PCDH19: variants seen among roughly 807,000 people sequenced by gnomAD.
The protein encoded by PCDH19 is protocadherin-19.
A neutral mutation model predicts 46.2 loss-of-function variants in PCDH19; 6 were observed. The ratio of observed to expected loss-of-function variants is 0.13; its 90% CI spans 0.07 to 0.26. The LOEUF is 0.26. PCDH19 is among the 10% of genes least tolerant of loss of function. PCDH19 has a pLI of 1.00. For synonymous variants in PCDH19, 481 were observed against 415.7 expected (o/e 1.16, Z -1.91); for missense variants, 740 against 972.3 (o/e 0.76, Z 3.18).
chrX:100,397,055 A>G (rs1374437867), intron 3 of PCDH19, among the ~76,000 whole-genome samples: 2 of 111,889 alleles, frequency 1.8e-5, no homozygotes, highest in Non-Finnish European at 3.8e-5. Context: ...TGTCATTTCC[A>G]TGCTATCCAA....
chrX:100,387,630 T>C (rs775711764), intron 3 of PCDH19, among the ~76,000 whole-genome samples: 56 of 112,074 alleles, frequency 5.0e-4, no homozygotes, highest in African/African-American at 1.7e-3. Context: ...AGTTAAATTT[T>C]ACTATTTTAA....
At chrX:100,324,617 C>T (rs1925621269) in intron 5 of PCDH19, among the ~76,000 whole-genome samples, 1 of 112,132 alleles carries the variant, frequency 8.9e-6, no homozygotes, top group Non-Finnish European at 1.9e-5. Flanking sequence ...GATATAAACT[C>T]TGTACATGGA....
intron 5 of PCDH19, among the ~76,000 whole-genome samples, chrX:100,331,277 T>A (rs1925862303): frequency 8.9e-6 from 1 of 112,075 alleles, no homozygotes; most frequent in South Asian, 3.8e-4. Context: ...AATCTCTTCA[T>A]CGCAAACTAT....
At chrX:100,372,220 A>G (rs1351932677) in intron 3 of PCDH19, among the ~76,000 whole-genome samples, 2 of 111,712 alleles carry the variant, frequency 1.8e-5, no homozygotes, top group Non-Finnish European at 3.8e-5. Flanking sequence ...TGGGTGACAG[A>G]GCAAGACTCC....
chrX:100,337,819 A>G (rs1926130823), intron 5 of PCDH19, among the ~76,000 whole-genome samples: 1 of 111,981 alleles, frequency 8.9e-6, no homozygotes, highest in Admixed American at 9.4e-5. Context: ...ACTGCAAAGA[A>G]ATGATAAATG....
chrX:100,293,858 A>G lies in PCDH19; in HGVS notation c.*2419T>C, dbSNP rs1217111997. On this transcript the variant is annotated 3_prime_UTR_variant, in exon 6 of 6. Transcript: ENST00000373034. ...AATCAATGCCAATGCCACTCTAACC[A>G]TTTAAAACTTGGCTGGTAAGAGGCA... 8.9e-6 allele frequency: 1 copy of G among 111,770 alleles called. No individual in the cohort carries two copies. Among genetic ancestry groups the G allele is most frequent in the African/African-American group, 3.3e-5 (1 of 30,737 alleles). 9.2% of individuals were successfully genotyped at this position (111,770 alleles called of 1,213,427 possible).
chrX:100,346,088 T>C (rs1926389325), intron 4 of PCDH19, among the ~76,000 whole-genome samples: 1 of 112,118 alleles, frequency 8.9e-6, no homozygotes, highest in African/African-American at 3.2e-5. Flanking sequence ...AATGGTATTG[T>C]AAATGCCCAT....
At chrX:100,345,006 T>C (rs1219301583) in intron 4 of PCDH19, among the ~76,000 whole-genome samples, 2 of 109,998 alleles carry the variant, frequency 1.8e-5, no homozygotes, top group Non-Finnish European at 3.8e-5. Flanking sequence ...TTAGGACAAG[T>C]AATAATCTAT....
At chrX:100,315,873 C>T (rs1383770239) in intron 5 of PCDH19, among the ~76,000 whole-genome samples, 1 of 111,719 alleles carries the variant, frequency 9.0e-6, no homozygotes, top group Non-Finnish European at 1.9e-5. Flanking sequence ...AATAGGCATC[C>T]CAGTCCCAAG....
chrX:100,387,207 T>C (rs1430810336), intron 3 of PCDH19, among the ~76,000 whole-genome samples: 1 of 112,080 alleles, frequency 8.9e-6, no homozygotes, highest in African/African-American at 3.2e-5. Flanking sequence ...TTCCAAAGGA[T>C]GTTGGCTTTT....
intron 3 of PCDH19, among the ~76,000 whole-genome samples, chrX:100,373,235 T>C (rs1395369876): frequency 8.9e-6 from 1 of 112,886 alleles, no homozygotes; most frequent in Non-Finnish European, 1.9e-5. Flanking sequence ...TCTCGATCTC[T>C]TGACCTTGTG....
intron 1 of PCDH19, 126 bp from the exon 2 acceptor site, chrX:100,403,790 C>T: frequency 2.0e-6 from 1 of 510,780 alleles, no homozygotes; most frequent in Non-Finnish European, 3.1e-6. Context: ...GACCCAGCAA[C>T]GTGCACCAAA....
chrX:100,385,710 C>A (rs1296937152), intron 3 of PCDH19, among the ~76,000 whole-genome samples: 1 of 111,467 alleles, frequency 9.0e-6, no homozygotes, highest in Non-Finnish European at 1.9e-5. Flanking sequence ...ACCTGGCCAA[C>A]ATGGCGAAAC....
intron 3 of PCDH19, among the ~76,000 whole-genome samples, chrX:100,393,292 A>G (rs1311234305): frequency 9.0e-6 from 1 of 110,748 alleles, no homozygotes; most frequent in Non-Finnish European, 1.9e-5. Flanking sequence ...GGAGACAACC[A>G]GCAGAATGTC....
chrX:100,337,275 G>A (rs1033020888), intron 5 of PCDH19, among the ~76,000 whole-genome samples: 1 of 111,635 alleles, frequency 9.0e-6, no homozygotes, highest in Non-Finnish European at 1.9e-5. Context: ...TGACTCCCAA[G>A]CTCAGCACCA....
At chrX:100,397,362 C>G (rs756066238) in intron 3 of PCDH19, among the ~76,000 whole-genome samples, 1 of 112,235 alleles carries the variant, frequency 8.9e-6, no homozygotes, top group Admixed American at 9.5e-5. Flanking sequence ...ACGGCTACGT[C>G]ACTACTTATG....
In PCDH19 at chrX:100,410,266, A is replaced by C; in HGVS notation, c.-1669T>G. 3.4e-6 allele frequency: 1 copy of C among 297,621 alleles called. No individual in the cohort carries two copies. Among genetic ancestry groups the C allele is most frequent in the Non-Finnish European group, 5.9e-6 (1 of 170,332 alleles). 24.5% of individuals were successfully genotyped at this position (297,621 alleles called of 1,213,427 possible). On this transcript the variant is annotated 5_prime_UTR_variant, in exon 1 of 6. Transcript: ENST00000373034. Reference sequence around the variant, plus strand: ...CTGCTGCTGCTCCTCCGGATGCCGCAAACTACTGGCCGCGGAGTCTGGAGA... The same window carrying C: ...CTGCTGCTGCTCCTCCGGATGCCGCCAACTACTGGCCGCGGAGTCTGGAGA...
At chrX:100,331,148 T>C (rs918465333) in intron 5 of PCDH19, among the ~76,000 whole-genome samples, 4 of 112,150 alleles carry the variant, frequency 3.6e-5, no homozygotes, top group African/African-American at 1.3e-4. Context: ...TGAAGTCCAG[T>C]GTTTACCACA....
intron 4 of PCDH19, among the ~76,000 whole-genome samples, chrX:100,346,705 A>G (rs1926410882): frequency 8.9e-6 from 1 of 112,509 alleles, no homozygotes; most frequent in African/African-American, 3.2e-5. Flanking sequence ...ATTTGGGTGG[A>G]AAAAGAAAGC....
Sources: allele counts gnomAD v4.1 joint callset (sites outside exome capture counted in the v4.1 genomes callset), GRCh38; gene constraint gnomAD v4.1.1; transcripts MANE v1.5; gene names NCBI Gene and HGNC (gene_info 2026-07-23, HGNC 2026-07-21).